Variants in SNTG1 observed in about 807,000 individuals in gnomAD.
The protein encoded by SNTG1 is gamma-1-syntrophin.
A neutral mutation model predicts 74.7 loss-of-function variants in SNTG1; 39 were observed. The observed-to-expected ratio is 0.52, with a 90% CI of 0.40 to 0.68. The LOEUF is 0.68. Ranked by LOEUF, SNTG1 falls within the 30% of genes least tolerant of loss-of-function variation. The probability of loss-of-function intolerance (pLI) is 0.00; values close to 1 mark genes in which losing one functional copy is unlikely to be tolerated. For synonymous variants in SNTG1, 254 were observed against 217.1 expected (o/e 1.17, Z -1.49); for missense variants, 685 against 609.5 (o/e 1.12, Z -1.30).
rs145655022 is a variant in SNTG1, at chr8:50,639,826, G to C, written c.850-17083G>C. 3.5e-3 allele frequency among the ~76,000 whole-genome samples: 530 copies of C among 151,882 alleles called. 6 individuals carry two copies. Among genetic ancestry groups the C allele is most frequent in the African/African-American group, 0.012 (495 of 41,446 alleles). ...TATTTTCAACAAATTATTCTAATGGGTTTATTTTCTCCATAAGTAATTATC... is the reference window on the plus strand; with the variant it reads ...TATTTTCAACAAATTATTCTAATGGCTTTATTTTCTCCATAAGTAATTATC... On this transcript the variant is annotated intron_variant, in intron 13 of 18. Transcript: ENST00000642720.
At chr8:50,489,004 A>C (rs1471595074) in intron 8 of SNTG1, among the ~76,000 whole-genome samples, 1 of 151,734 alleles carries the variant, frequency 6.6e-6, no homozygotes, top group Non-Finnish European at 1.5e-5. Flanking sequence ...TTCAACTCTC[A>C]TTTATGAGTG....
At chr8:50,431,524 T>G (rs1464034526) in intron 4 of SNTG1, among the ~76,000 whole-genome samples, 3 of 152,248 alleles carry the variant, frequency 2.0e-5, no homozygotes, top group Non-Finnish European at 4.4e-5. Flanking sequence ...TGCAGATTTT[T>G]GTATAAACAT....
At chr8:50,500,269 G>T (rs2093940205) in intron 8 of SNTG1, among the ~76,000 whole-genome samples, 1 of 149,558 alleles carries the variant, frequency 6.7e-6, no homozygotes. Context: ...TGTTCAGATA[G>T]GGTGAATTCT....
intron 8 of SNTG1, among the ~76,000 whole-genome samples, chr8:50,498,075 A>G (rs1039461005): frequency 3.9e-5 from 6 of 151,944 alleles, no homozygotes; most frequent in Admixed American, 2.6e-4. Context: ...ATGAATATTC[A>G]TGAAAAGTAT....
intron 2 of SNTG1, among the ~76,000 whole-genome samples, chr8:50,208,035 A>T (rs1376485474): frequency 6.6e-6 from 1 of 152,192 alleles, no homozygotes; most frequent in Non-Finnish European, 1.5e-5. Flanking sequence ...AGAAGAATGT[A>T]TATTCTATTG....
intron 2 of SNTG1, among the ~76,000 whole-genome samples, chr8:50,280,581 A>G (rs1299368031): frequency 6.6e-6 from 1 of 152,158 alleles, no homozygotes; most frequent in East Asian, 1.9e-4. Context: ...GAGGTACACA[A>G]GCGTTCAGTC....
intron 18 of SNTG1, among the ~76,000 whole-genome samples, chr8:50,791,015 TTG>T (rs2095689269): frequency 6.6e-6 from 1 of 151,968 alleles, no homozygotes; most frequent in Admixed American, 6.6e-5. Flanking sequence ...ATTTTTGTTG[TTG>T]TTGTTTTATT....
At chr8:50,783,915 G>A (rs976692324) in intron 18 of SNTG1, among the ~76,000 whole-genome samples, 1 of 152,112 alleles carries the variant, frequency 6.6e-6, no homozygotes, top group Non-Finnish European at 1.5e-5. Context: ...ACACATTTTT[G>A]TTATTTAGTT....
chr8:50,717,734 C>G (rs1005376346), intron 17 of SNTG1, among the ~76,000 whole-genome samples: 2 of 152,136 alleles, frequency 1.3e-5, no homozygotes, highest in Non-Finnish European at 2.9e-5. Context: ...CACTTTTCTC[C>G]CAGGCTTATG....
At chr8:50,791,977 T>C (rs1585809178) in intron 18 of SNTG1, among the ~76,000 whole-genome samples, 1 of 151,804 alleles carries the variant, frequency 6.6e-6, no homozygotes. Context: ...GCAATATATA[T>C]AGTTTGGTTG....
intron 17 of SNTG1, among the ~76,000 whole-genome samples, chr8:50,725,673 C>T (rs73678640): frequency 0.022 from 3,302 of 152,210 alleles, 105 homozygotes; most frequent in African/African-American, 0.071. Context: ...AGCAAGCAGG[C>T]TGTTACACCA....
intron 1 of SNTG1, among the ~76,000 whole-genome samples, chr8:50,047,704 A>G (rs968307545): frequency 2.0e-5 from 3 of 152,172 alleles, no homozygotes; most frequent in African/African-American, 7.2e-5. Context: ...CACCTTCTGC[A>G]AAGTAAGGTG....
chr8:50,747,223 T>C (rs2095557070), intron 17 of SNTG1, among the ~76,000 whole-genome samples: 1 of 151,964 alleles, frequency 6.6e-6, no homozygotes, highest in Non-Finnish European at 1.5e-5. Flanking sequence ...TGAAAAATTG[T>C]CTCCTGAAAG....
At chr8:50,310,835 T>C (rs2090083491) in intron 2 of SNTG1, among the ~76,000 whole-genome samples, 1 of 152,248 alleles carries the variant, frequency 6.6e-6, no homozygotes, top group Non-Finnish European at 1.5e-5. Flanking sequence ...CATACCAGTA[T>C]AAAATACACA....
intron 13 of SNTG1, among the ~76,000 whole-genome samples, chr8:50,634,316 A>T (rs2095024494): frequency 6.6e-6 from 1 of 152,228 alleles, no homozygotes; most frequent in South Asian, 2.1e-4. Flanking sequence ...TAACTGTGGC[A>T]CAAATCACCT....
chr8:50,544,225 T>C (rs1005900557), intron 11 of SNTG1, among the ~76,000 whole-genome samples: 1 of 152,092 alleles, frequency 6.6e-6, no homozygotes, highest in African/African-American at 2.4e-5. Flanking sequence ...GCCATACATG[T>C]ATAACTATTA....
intron 1 of SNTG1, among the ~76,000 whole-genome samples, chr8:50,025,273 T>G (rs1269248621): frequency 6.6e-6 from 1 of 152,144 alleles, no homozygotes; most frequent in Non-Finnish European, 1.5e-5. Context: ...ATTTTAGATA[T>G]CTATAATAAC....
rs869119447 is a variant in SNTG1 at position 50,462,796 on chromosome 8, C to CT, written c.363+12106dup. Among the ~76,000 whole-genome samples the CT allele has an allele frequency of 5.7e-4, 33 of 57,472 alleles. 5 individuals are homozygous for CT. Among genetic ancestry groups the CT allele is most frequent in the African/African-American group, 1.5e-3 (26 of 17,050 alleles). 37.7% of individuals were successfully genotyped at this position (57,472 alleles called of 152,430 possible). On this transcript the variant is annotated intron_variant, in intron 8 of 18. Transcript: ENST00000642720. Reference sequence around the variant, plus strand: ...CTCAGTCGCATCTTCAGGTTCTACTCTTTTTTTTTTTTTTTTTTTTTTTTT... The same window carrying CT: ...CTCAGTCGCATCTTCAGGTTCTACTCTTTTTTTTTTTTTTTTTTTTTTTTTT...
intron 12 of SNTG1, among the ~76,000 whole-genome samples, chr8:50,566,061 G>C (rs1234232966): frequency 2.6e-5 from 4 of 151,722 alleles, no homozygotes; most frequent in Admixed American, 2.6e-4. Flanking sequence ...TTTAAGGATA[G>C]GTCTTTAATT....
Sources: gnomAD v4.1 joint callset for allele counts (sites outside exome capture counted in the v4.1 genomes callset) on GRCh38, gnomAD v4.1.1 for gene constraint, MANE v1.5 for transcripts, NCBI Gene and HGNC (gene_info 2026-07-23, HGNC 2026-07-21) for gene names.